Variants in CSPG4 observed in about 807,000 individuals in gnomAD.
CSPG4 encodes the protein chondroitin sulfate proteoglycan 4 (melanoma-associated).
In CSPG4, 74 loss-of-function variants were observed where a neutral mutation model predicts 139.3. The observed-to-expected ratio is 0.53, with a 90% confidence interval of 0.44 to 0.64. The LOEUF is 0.64. Ranked by LOEUF, CSPG4 falls within the 30% of genes least tolerant of loss-of-function variation. The pLI is 0.00. For missense variants in CSPG4, 2,565 were observed against 3,148.3 expected, an observed-to-expected ratio of 0.81 and a Z score of 4.43; for synonymous variants, 1,234 against 1,394.2, an observed-to-expected ratio of 0.89 and a Z score of 2.56.
chr15:75,694,913 C>T (rs1894207193), intron 1 of CSPG4, among the ~76,000 whole-genome samples: 1 of 152,250 alleles, frequency 6.6e-6, no homozygotes. Flanking sequence ...ACACAGCACA[C>T]TAAAGTGAGG....
intron 1 of CSPG4, among the ~76,000 whole-genome samples, chr15:75,694,058 G>A (rs748142216): frequency 7.0e-4 from 107 of 152,310 alleles, no homozygotes; most frequent in Non-Finnish European, 1.3e-3. Flanking sequence ...TGTTTCCACC[G>A]TGGCCAAGGA....
chr15:75,694,559 C>T (rs1211405308), intron 1 of CSPG4, among the ~76,000 whole-genome samples: 4 of 152,260 alleles, frequency 2.6e-5, no homozygotes, highest in Non-Finnish European at 2.9e-5. Flanking sequence ...AGCCAGCTGC[C>T]ATCCGCCTGA....
In CSPG4 at chr15:75,687,733, T is replaced by C. The variant is rs1186878653; in HGVS notation, c.3332A>G (p.Gln1111Arg). 1.9e-6 allele frequency: 3 copies of C among 1,612,788 alleles called. No homozygotes were observed. The highest frequency in any genetic ancestry group is 1.7e-5 in the Admixed American group (1 of 60,004). Residue 1111 changes from glutamine to arginine, a missense_variant, in exon 3 of 10, where the codon CAA becomes CGA. Gln to Arg is a conservative substitution (Grantham distance 43). Coordinates refer to ENST00000308508, the MANE Select transcript of CSPG4 (RefSeq NM_001897.5). The surrounding 1 kb of genome is among the most constrained non-coding windows in gnomAD (Gnocchi z 5.4). ...GWIQLQVSDG[Q>R]HQATALLEVQ... ...CTCCAGCAGCGCAGTGGCCTGGTGT[T>C]GCCCGTCGGACACCTGCAGCTGGAT... is the stretch of plus-strand genomic sequence containing the variant.
intron 1 of CSPG4, among the ~76,000 whole-genome samples, chr15:75,711,752 C>T (rs932101023): frequency 2.0e-5 from 3 of 152,198 alleles, no homozygotes; most frequent in African/African-American, 4.8e-5. Context: ...CTGAATCACA[C>T]GTGGGTAGTG....
intron 1 of CSPG4, among the ~76,000 whole-genome samples, chr15:75,701,383 C>G (rs1296916105): frequency 6.6e-6 from 1 of 152,212 alleles, no homozygotes; most frequent in African/African-American, 2.4e-5. Context: ...AGTCCCAGCA[C>G]TGGTGGTGCT....
Position 75,676,833 on chromosome 15 carries a change from G to A in CSPG4, c.5686C>T (p.Gln1896Ter). 1 of 1,555,132 alleles carries A rather than the reference G, an allele frequency of 6.4e-7. No homozygotes were observed. Among genetic ancestry groups the A allele is most frequent in the Non-Finnish European group, 8.7e-7 (1 of 1,151,892 alleles). Residue 1896 changes from glutamine to a stop codon, truncating the protein, a stop_gained, in exon 10 of 10, where the codon CAA (glutamine) becomes TAA (stop). Coordinates refer to ENST00000308508, the MANE Select transcript of CSPG4 (RefSeq NM_001897.5). LOFTEE classifies it low-confidence loss of function (END_TRUNC). ...AGCCGCCCTGAATCCACATCGGCTT[G>A]CGTGAAGCGGGTCACGGGCCCCAGG... ...GGLGPVTRFT[Q>*]ADVDSGRLAF...
chr15:75,686,316 G>A (rs1228608357), intron 3 of CSPG4, among the ~76,000 whole-genome samples: 1 of 152,198 alleles, frequency 6.6e-6, no homozygotes, highest in African/African-American at 2.4e-5. Flanking sequence ...ATCCGTTCAG[G>A]CCTGTGGCTG....
Position 75,689,674 on chromosome 15 carries a change from C to T in CSPG4, c.1391G>A (p.Arg464His), listed in dbSNP as rs777976327. 26 of 1,612,776 alleles carry T rather than the reference C, an allele frequency of 1.6e-5. No individual in the cohort carries two copies. The highest frequency in any genetic ancestry group is 5.0e-5 in the Admixed American group (3 of 60,010). The change falls in exon 3 of 10, where the codon CGC becomes CAC. Residue 464 changes from arginine to histidine, a missense_variant. This residue lies in a region of CSPG4 where 2,316 missense variants were observed against 2,818.2 expected (regional missense o/e 0.82). Coordinates refer to ENST00000308508, the MANE Select transcript of CSPG4 (RefSeq NM_001897.5). ...CACGCTGAACAGCACCTGGGATTTG[C>T]GCAGCTCAGCCTCCATCAGGTCCAG... is the stretch of plus-strand genomic sequence containing the variant. ...PTLDLMEAELRKSQVLFSVTR... is the reference protein window; with the variant it reads ...PTLDLMEAELHKSQVLFSVTR...
At chr15:75,705,419 T>C (rs1894357386) in intron 1 of CSPG4, among the ~76,000 whole-genome samples, 1 of 152,198 alleles carries the variant, frequency 6.6e-6, no homozygotes, top group African/African-American at 2.4e-5. Context: ...CACTCCACCC[T>C]GGGAAGAAGA....
chr15:75,677,866 C>T lies in CSPG4; in HGVS notation c.4971G>A (p.Leu1657=). ...GCTCGGGGGGCATCTCATGCTCATACAGAATATTCCCAGCGTAGACCTAGG... is the reference window on the plus strand; with the variant it reads ...GCTCGGGGGGCATCTCATGCTCATATAGAATATTCCCAGCGTAGACCTAGG... ...TQAEVYAGNI[L]YEHEMPPEPF... is the part of the protein sequence containing the mutation. The change falls in exon 9 of 10, where the codon CTG becomes CTA. Residue 1657 remains leucine, a synonymous_variant. Transcript: ENST00000308508. The T allele has an allele frequency of 6.2e-7, 1 of 1,611,926 alleles. No homozygotes were observed. The highest frequency in any genetic ancestry group is 1.1e-5 in the South Asian group (1 of 90,928).
At chr15:75,709,182 T>A (rs1436001868) in intron 1 of CSPG4, among the ~76,000 whole-genome samples, 1 of 152,166 alleles carries the variant, frequency 6.6e-6, no homozygotes, top group Non-Finnish European at 1.5e-5. Flanking sequence ...ATTCAGTTCA[T>A]TCAAAAATTC....
At chr15:75,709,815 C>T (rs547207580) in intron 1 of CSPG4, among the ~76,000 whole-genome samples, 14 of 152,232 alleles carry the variant, frequency 9.2e-5, no homozygotes, top group Middle Eastern at 3.4e-3. Flanking sequence ...GCCCCCCAGG[C>T]GGGCAGCACT....
At position 75,698,172 on chromosome 15, in the gene CSPG4, G is replaced by C. The variant is rs1222130293; in HGVS notation, c.89-4939C>G. Reference sequence around the variant, plus strand: ...CCAGACTTCTCCATCACCGCCCCTCGGGGTTTGGCACCACGGCGGGAGATC... The same window carrying C: ...CCAGACTTCTCCATCACCGCCCCTCCGGGTTTGGCACCACGGCGGGAGATC... On this transcript the variant is annotated intron_variant, in intron 1 of 9. Coordinates refer to ENST00000308508, the MANE Select transcript of CSPG4 (RefSeq NM_001897.5). The surrounding 1 kb of genome is among the most constrained non-coding windows in gnomAD (Gnocchi z 4.3). 2.0e-5 allele frequency among the ~76,000 whole-genome samples: 3 copies of C among 152,136 alleles called. No homozygotes were observed. Among genetic ancestry groups the C allele is most frequent in the African/African-American group, 7.2e-5 (3 of 41,422 alleles).
chr15:75,709,768 G>A (rs188623573), intron 1 of CSPG4, among the ~76,000 whole-genome samples: 6 of 152,176 alleles, frequency 3.9e-5, no homozygotes, highest in East Asian at 3.9e-4. Context: ...TGCCGTCATC[G>A]ACAGCCGCCT....
At chr15:75,679,674 T>G (rs1434553510) in intron 8 of CSPG4, 1 of 152,250 alleles carries the variant, frequency 6.6e-6, no homozygotes, top group Non-Finnish European at 1.5e-5. Context: ...GCCTATCTTT[T>G]GCTCCCCACC....
chr15:75,676,863 CA>C lies in CSPG4; in HGVS notation c.5655del (p.Gly1886ValfsTer6). On this transcript the variant is annotated frameshift_variant, in exon 10 of 10. Coordinates refer to ENST00000308508, the MANE Select transcript of CSPG4 (RefSeq NM_001897.5). LOFTEE classifies it low-confidence loss of function (END_TRUNC). ...APHNGFLSLV[G>X]GGLGPVTRFT... ...AAGCGGGTCACGGGCCCCAGGCCAC[CA>C]CCCACCAGGCTGAGGAAGCCGTTGT... 1 of 1,585,702 alleles carries C rather than the reference CA, an allele frequency of 6.3e-7. No homozygotes were observed.
intron 1 of CSPG4, among the ~76,000 whole-genome samples, chr15:75,694,978 C>T (rs927960973): frequency 2.0e-5 from 3 of 152,194 alleles, no homozygotes; most frequent in Admixed American, 6.5e-5. Flanking sequence ...GAGCCACCAC[C>T]GTCACCTGCT....
rs140989926 is a variant in CSPG4, at chr15:75,696,667, C to T, written c.89-3434G>A. 2.0e-5 allele frequency among the ~76,000 whole-genome samples: 3 copies of T among 152,224 alleles called. No homozygotes were observed. The highest frequency in any genetic ancestry group is 2.1e-4 in the South Asian group (1 of 4,820). On this transcript the variant is annotated intron_variant, in intron 1 of 9. Coordinates refer to ENST00000308508, the MANE Select transcript of CSPG4 (RefSeq NM_001897.5). This position sits in a 1 kb window ranked among gnomAD's most constrained non-coding sequence, Gnocchi z 4.2. Reference sequence around the variant, plus strand: ...GAGGGTTCCTGCCCCTCCTGCTCAGCGCCCATAGAGAGGTTTGCTAAAGGT... The same window carrying T: ...GAGGGTTCCTGCCCCTCCTGCTCAGTGCCCATAGAGAGGTTTGCTAAAGGT...
In CSPG4 at chr15:75,674,686, C is replaced by G. The variant is rs1313877322; in HGVS notation, c.*864G>C. On this transcript the variant is annotated 3_prime_UTR_variant, in exon 10 of 10. Coordinates refer to ENST00000308508, the MANE Select transcript of CSPG4 (RefSeq NM_001897.5). ...GAACCAAGTGCCCCCAGCTGCCTGC[C>G]CTAGTCCTCAGGGGGGCACTGGCAC... 5.0e-6 allele frequency: 2 copies of G among 398,934 alleles called. No individual in the cohort carries two copies. Among genetic ancestry groups the G allele is most frequent in the Non-Finnish European group, 8.8e-6 (2 of 226,166 alleles). The allele number at this position is 398,934 out of a possible 1,614,324, so 24.7% of individuals were successfully genotyped here. A position where few individuals can be genotyped will look rare whatever the true frequency, so the allele number is the denominator to read the frequency against.
Sources: allele counts gnomAD v4.1 joint callset (sites outside exome capture counted in the v4.1 genomes callset), GRCh38; gene constraint gnomAD v4.1.1; regional missense constraint gnomAD v4.1.1; non-coding constraint Gnocchi (gnomAD v3.1); transcripts MANE v1.5; gene names NCBI Gene and HGNC (gene_info 2026-07-23, HGNC 2026-07-21).